The following ASCC3 variants were observed in gnomAD, a reference collection of about 807,000 sequenced individuals.
ASCC3 encodes the protein activating signal cointegrator 1 complex subunit 3, also known as ASC-1 complex subunit P200.
ASCC3 carries 158 observed loss-of-function variants against 256.3 expected under a neutral mutation model. That is an observed-to-expected ratio of 0.62 (90% confidence interval 0.54 to 0.70). ASCC3 has a LOEUF of 0.70. Among genes scored for constraint, ASCC3 ranks in the 30% least tolerant of loss-of-function variants. The pLI, the probability that ASCC3 is intolerant of heterozygous loss-of-function variation, is 0.00. For synonymous variants in ASCC3, 948 were observed against 883.4 expected, an observed-to-expected ratio of 1.07 and a Z score of -1.30; for missense variants, 2,259 against 2,626.0, an observed-to-expected ratio of 0.86 and a Z score of 3.05.
chr6:100,700,016 T>G (rs239216), intron 13 of ASCC3, among the ~76,000 whole-genome samples: 85,192 of 151,932 alleles, frequency 0.56, 24,095 homozygotes, highest in East Asian at 0.73. Flanking sequence ...ATTTTCTAAG[T>G]AGCAATTCAA....
At chr6:100,597,502 T>C (rs559521181) in intron 34 of ASCC3, among the ~76,000 whole-genome samples, 187 of 152,286 alleles carry the variant, frequency 1.2e-3, no homozygotes, top group Non-Finnish European at 1.1e-3. Flanking sequence ...TTGCCAATCA[T>C]AGCTTTTTCT....
chr6:100,609,404 A>G (rs1773276342), intron 30 of ASCC3, among the ~76,000 whole-genome samples: 1 of 152,034 alleles, frequency 6.6e-6, no homozygotes, highest in Non-Finnish European at 1.5e-5. Context: ...TTTATATATT[A>G]TAATTTTTAC....
chr6:100,729,266 A>G (rs7770430), intron 10 of ASCC3, among the ~76,000 whole-genome samples: 143,119 of 152,188 alleles, frequency 0.94, 67,615 homozygotes, highest in South Asian at 0.99. Context: ...GAGGGAGAGA[A>G]AATATGTGTG....
intron 17 of ASCC3, 80 bp downstream of exon 17, chr6:100,655,619 G>A: frequency 1.3e-6 from 2 of 1,503,338 alleles, no homozygotes; most frequent in Non-Finnish European, 1.8e-6. Context: ...GGCAAGAGCA[G>A]CAAACAAATA....
chr6:100,655,072 A>C (rs554374927), intron 17 of ASCC3, among the ~76,000 whole-genome samples: 1 of 152,056 alleles, frequency 6.6e-6, no homozygotes, highest in Non-Finnish European at 1.5e-5. Flanking sequence ...TTTATCTGCA[A>C]TTAGGACACA....
chr6:100,511,572 A>C (rs1773764765), intron 40 of ASCC3, among the ~76,000 whole-genome samples: 1 of 152,182 alleles, frequency 6.6e-6, no homozygotes, highest in Non-Finnish European at 1.5e-5. Flanking sequence ...CTCTACTAAA[A>C]ATACAAAAAA....
At position 100,697,112 on chromosome 6, in the gene ASCC3, T is replaced by C. The variant is rs143360938; in HGVS notation, c.2152-17360A>G. Among the ~76,000 whole-genome samples, 803 of 152,228 alleles carry C rather than the reference T, an allele frequency of 5.3e-3. 8 individuals are homozygous for C. Among genetic ancestry groups the C allele is most frequent in the African/African-American group, 0.019 (772 of 41,570 alleles). On this transcript the variant is annotated intron_variant, in intron 13 of 41. Transcript: ENST00000369162. ...CTTTTATGTAGCAAGTCAGAAAACA[T>C]GCATTTATGCATTGGCTACATGCAC... is the stretch of plus-strand genomic sequence containing the variant.
At chr6:100,623,962 G>A (rs1774096786) in intron 30 of ASCC3, among the ~76,000 whole-genome samples, 1 of 151,310 alleles carries the variant, frequency 6.6e-6, no homozygotes, top group Non-Finnish European at 1.5e-5. Context: ...ACCAGGGCCT[G>A]TTGTGGGGTG....
chr6:100,822,258 C>T (rs1771082545), intron 4 of ASCC3, among the ~76,000 whole-genome samples: 1 of 152,104 alleles, frequency 6.6e-6, no homozygotes, highest in South Asian at 2.1e-4. Context: ...ACAAAAATGC[C>T]AGGCGCAGTG....
rs79348446 is a variant in ASCC3 at position 100,684,727 on chromosome 6, T to G, written c.2152-4975A>C. ...AACACTTCCCCTTTAGCAACCTTTT[T>G]AAGGGGGTTGTGAAAGATGAACTAG... On this transcript the variant is annotated intron_variant, in intron 13 of 41. Coordinates refer to ENST00000369162, the MANE Select transcript of ASCC3 (RefSeq NM_006828.4). Among the ~76,000 whole-genome samples the G allele has an allele frequency of 1.6e-3, 245 of 152,014 alleles. 9 individuals carry two copies. The East Asian group carries it at 0.045, about 28-fold the overall frequency.
chr6:100,693,051 G>A (rs1349792168), intron 13 of ASCC3, among the ~76,000 whole-genome samples: 1 of 151,790 alleles, frequency 6.6e-6, no homozygotes, highest in African/African-American at 2.4e-5. Context: ...CAGTATTTTG[G>A]CAATGATTCA....
At chr6:100,564,446 A>C (rs577229675) in intron 36 of ASCC3, among the ~76,000 whole-genome samples, 37 of 152,250 alleles carry the variant, frequency 2.4e-4, no homozygotes, top group South Asian at 8.3e-4. Flanking sequence ...GACTGCAAAC[A>C]TGTAATATGT....
At chr6:100,614,263 T>C (rs960913900) in intron 30 of ASCC3, among the ~76,000 whole-genome samples, 8 of 152,184 alleles carry the variant, frequency 5.3e-5, no homozygotes, top group Admixed American at 4.6e-4. Flanking sequence ...GAAAGTAGTA[T>C]ATTGTTAAAT....
At chr6:100,530,331 C>T (rs996395670) in intron 37 of ASCC3, 3 of 1,435,080 alleles carry the variant, frequency 2.1e-6, no homozygotes, top group Middle Eastern at 1.8e-4. Flanking sequence ...ATGATCTTCA[C>T]ACAATCTAGT....
intron 4 of ASCC3, among the ~76,000 whole-genome samples, chr6:100,828,570 C>G (rs1297469148): frequency 6.6e-6 from 1 of 152,080 alleles, no homozygotes; most frequent in Non-Finnish European, 1.5e-5. Flanking sequence ...CCGATGTGTT[C>G]GGAGTTTCTT....
At chr6:100,610,804 T>C (rs1773353915) in intron 30 of ASCC3, among the ~76,000 whole-genome samples, 1 of 152,152 alleles carries the variant, frequency 6.6e-6, no homozygotes. Context: ...GGTGCTTGTC[T>C]TGTCTCATAA....
chr6:100,710,164 T>C (rs949611797), intron 13 of ASCC3, among the ~76,000 whole-genome samples: 22 of 152,294 alleles, frequency 1.4e-4, no homozygotes, highest in African/African-American at 5.3e-4. Context: ...ACTGCAATCA[T>C]ACTTTACACA....
At chr6:100,782,464 T>A (rs1340435426) in intron 8 of ASCC3, among the ~76,000 whole-genome samples, 1 of 152,160 alleles carries the variant, frequency 6.6e-6, no homozygotes, top group Non-Finnish European at 1.5e-5. Context: ...CAAAATATGA[T>A]CCTGCTTCAT....
At chr6:100,730,193 G>C (rs1039925458) in intron 10 of ASCC3, among the ~76,000 whole-genome samples, 2 of 151,860 alleles carry the variant, frequency 1.3e-5, no homozygotes, top group African/African-American at 4.8e-5. Context: ...GTCTTACAGG[G>C]GGCTGAAGTG....
Sources: allele counts gnomAD v4.1 joint callset (sites outside exome capture counted in the v4.1 genomes callset), GRCh38; gene constraint gnomAD v4.1.1; transcripts MANE v1.5; gene names NCBI Gene and HGNC (gene_info 2026-07-23, HGNC 2026-07-21).